The following AHCYL2 variants were observed in gnomAD, a reference collection of about 807,000 sequenced individuals.
The protein encoded by AHCYL2 is S-adenosylhomocysteine hydrolase-like protein 2.
AHCYL2 carries 28 observed loss-of-function variants against 81.4 expected under a neutral mutation model. The ratio of observed to expected loss-of-function variants is 0.34; its 90% CI spans 0.25 to 0.47. The LOEUF is 0.47. Among genes scored for constraint, AHCYL2 ranks in the 20% least tolerant of loss-of-function variants. The pLI, the probability that AHCYL2 is intolerant of heterozygous loss-of-function variation, is 1.00. For missense variants in AHCYL2, 551 were observed against 785.1 expected, an observed-to-expected ratio of 0.70 and a Z score of 3.56; for synonymous variants, 272 against 290.2, an observed-to-expected ratio of 0.94 and a Z score of 0.64.
chr7:129,410,518 T>C, intron 11 of AHCYL2: 1 of 877,708 alleles, frequency 1.1e-6, no homozygotes, highest in South Asian at 1.7e-5. Context: ...GGTACAGTCA[T>C]AATCTCTTTT....
Position 129,285,250 on chromosome 7 carries a change from T to TTC in AHCYL2, c.363+59813_363+59814dup, listed in dbSNP as rs1439764015. Among the ~76,000 whole-genome samples, 5 of 152,232 alleles carry TTC rather than the reference T, an allele frequency of 3.3e-5. No individual in the cohort carries two copies. In the East Asian group the frequency reaches 9.6e-4, roughly 29 times the overall value. On this transcript the variant is annotated intron_variant, in intron 1 of 16. Transcript: ENST00000325006. Reference sequence around the variant, plus strand: ...CAGCTATGGTTAGGGCTGCATTCTTTTCTTTCTCTCCCATCTGAGGCCTCC... The same window carrying TTC: ...CAGCTATGGTTAGGGCTGCATTCTTTTCTCTTTCTCTCCCATCTGAGGCCTCC...
chr7:129,305,261 A>G (rs1022454458), intron 1 of AHCYL2, among the ~76,000 whole-genome samples: 1 of 152,178 alleles, frequency 6.6e-6, no homozygotes, highest in African/African-American at 2.4e-5. Flanking sequence ...AGAGATTGAG[A>G]CCATCTTGGT....
In AHCYL2 at chr7:129,365,628, G is replaced by GTATATATATATATATATATATATA. The variant is rs10526470; in HGVS notation, c.364-13993_364-13992insATATATATATATATATATATATAT. 9.5e-3 allele frequency among the ~76,000 whole-genome samples: 1,182 copies of GTATATATATATATATATATATATA among 123,956 alleles called. 44 individuals carry two copies. Among genetic ancestry groups the GTATATATATATATATATATATATA allele is most frequent in the African/African-American group, 0.016 (468 of 29,858 alleles). The allele number at this position is 123,956 out of a possible 152,430, so 81.3% of individuals were successfully genotyped here. A position where few individuals can be genotyped will look rare whatever the true frequency, so the allele number is the denominator to read the frequency against. ...TAATACAGTTTACCTGGAGGATAGA[G>GTATATATATATATATATATATATA]TATATATATATATATATGGGTATGA... is the stretch of plus-strand genomic sequence containing the variant. On this transcript the variant is annotated intron_variant, in intron 1 of 16. Transcript: ENST00000325006.
At chr7:129,328,238 C>T (rs1798296368) in intron 1 of AHCYL2, among the ~76,000 whole-genome samples, 2 of 152,170 alleles carry the variant, frequency 1.3e-5, no homozygotes, top group South Asian at 4.1e-4. Flanking sequence ...AGTGCAGTGG[C>T]ACAATCTTCG....
chr7:129,419,720 A>T lies in AHCYL2; in HGVS notation c.1462-3120A>T, dbSNP rs983986240. On this transcript the variant is annotated intron_variant, in intron 12 of 16. Transcript: ENST00000325006. This position sits in a 1 kb window ranked among gnomAD's most constrained non-coding sequence, Gnocchi z 4.7. Reference sequence around the variant, plus strand: ...TTGTGCTTTACAGGACTAGAACTACAGTTGTTCTCCCTGAAAAAAAAAAAA... The same window carrying T: ...TTGTGCTTTACAGGACTAGAACTACTGTTGTTCTCCCTGAAAAAAAAAAAA... Among the ~76,000 whole-genome samples, 1 of 151,288 alleles carries T rather than the reference A, an allele frequency of 6.6e-6. No individual in the cohort carries two copies. The highest frequency in any genetic ancestry group is 1.5e-5 in the Non-Finnish European group (1 of 67,882).
At chr7:129,277,584 C>T (rs929963830) in intron 1 of AHCYL2, among the ~76,000 whole-genome samples, 1 of 151,988 alleles carries the variant, frequency 6.6e-6, no homozygotes, top group African/African-American at 2.4e-5. Flanking sequence ...CTGGCCTCTC[C>T]TGTCTCTACC....
At chr7:129,227,399 T>C (rs1046322784) in intron 1 of AHCYL2, among the ~76,000 whole-genome samples, 5 of 148,284 alleles carry the variant, frequency 3.4e-5, no homozygotes, top group Admixed American at 2.0e-4. Flanking sequence ...GGCTGGTGGA[T>C]TGCTCGAGTC....
chr7:129,261,627 C>T (rs1329934600), intron 1 of AHCYL2, among the ~76,000 whole-genome samples: 1 of 152,198 alleles, frequency 6.6e-6, no homozygotes, highest in African/African-American at 2.4e-5. Flanking sequence ...CCCTTCCCTA[C>T]CCCACCGTAG....
intron 1 of AHCYL2, among the ~76,000 whole-genome samples, chr7:129,317,766 T>G (rs1797875999): frequency 6.6e-6 from 1 of 152,194 alleles, no homozygotes; most frequent in African/African-American, 2.4e-5. Flanking sequence ...GTTACTACAC[T>G]TCCCTAGCAA....
intron 1 of AHCYL2, among the ~76,000 whole-genome samples, chr7:129,285,726 G>T (rs1286673604): frequency 1.5e-5 from 2 of 130,264 alleles, no homozygotes; most frequent in African/African-American, 5.9e-5. Context: ...TTGAGATAGG[G>T]TCTGGCTCTG....
At chr7:129,380,238 CTTG>C (rs1310661365) in intron 2 of AHCYL2, among the ~76,000 whole-genome samples, 2 of 152,294 alleles carry the variant, frequency 1.3e-5, no homozygotes, top group East Asian at 3.9e-4. Flanking sequence ...CATTGGACTT[CTTG>C]TTATTCCTCC....
chr7:129,404,762 G>A (rs1166633200), intron 7 of AHCYL2, among the ~76,000 whole-genome samples: 1 of 152,158 alleles, frequency 6.6e-6, no homozygotes, highest in African/African-American at 2.4e-5. Flanking sequence ...GACCAGTGCA[G>A]ATTTAGTGAA....
rs749947842 is a variant in AHCYL2 at position 129,413,706 on chromosome 7, A to T, written c.1461+18A>T. The T allele has an allele frequency of 6.2e-7, 1 of 1,604,382 alleles. No homozygotes were observed. The highest frequency in any genetic ancestry group is 2.2e-5 in the East Asian group (1 of 44,836). Reference sequence around the variant, plus strand: ...TTGACGTGGTAAGATCAAGTAGCTCATTATTGGGGGCTTTTTTCTCTCCTT... The same window carrying T: ...TTGACGTGGTAAGATCAAGTAGCTCTTTATTGGGGGCTTTTTTCTCTCCTT... On this transcript the variant is annotated intron_variant, in intron 12 of 16. Coordinates refer to ENST00000325006, the MANE Select transcript of AHCYL2 (RefSeq NM_015328.4).
intron 1 of AHCYL2, among the ~76,000 whole-genome samples, chr7:129,369,140 A>G (rs576188517): frequency 6.6e-6 from 1 of 152,262 alleles, no homozygotes; most frequent in Non-Finnish European, 1.5e-5. Context: ...CAGTAGTTTT[A>G]CTAAAATGAT....
intron 1 of AHCYL2, among the ~76,000 whole-genome samples, chr7:129,295,606 C>G (rs568608186): frequency 5.1e-4 from 78 of 152,174 alleles, no homozygotes; most frequent in Non-Finnish European, 7.6e-4. Flanking sequence ...AAAAATAAAA[C>G]TAAAGGTCAA....
intron 1 of AHCYL2, among the ~76,000 whole-genome samples, chr7:129,325,399 C>G (rs1798185500): frequency 1.3e-5 from 2 of 152,126 alleles, no homozygotes; most frequent in Non-Finnish European, 1.5e-5. Context: ...GTTAACCATA[C>G]TTTTTTTCAT....
chr7:129,250,491 T>G (rs957053153), intron 1 of AHCYL2, among the ~76,000 whole-genome samples: 2 of 152,262 alleles, frequency 1.3e-5, no homozygotes, highest in African/African-American at 4.8e-5. Flanking sequence ...ATGACCATTT[T>G]ACTTCTTCTT....
chr7:129,244,100 G>C (rs988799518), intron 1 of AHCYL2, among the ~76,000 whole-genome samples: 1 of 151,588 alleles, frequency 6.6e-6, no homozygotes, highest in Non-Finnish European at 1.5e-5. Context: ...CTGGACTCAA[G>C]TGATTCTTCA....
intron 2 of AHCYL2, among the ~76,000 whole-genome samples, chr7:129,380,342 T>G (rs924840522): frequency 3.9e-5 from 6 of 152,234 alleles, no homozygotes; most frequent in Non-Finnish European, 4.4e-5. Flanking sequence ...GTAGGACCCC[T>G]TGAAGGCATC....
Sources: gnomAD v4.1 joint callset for allele counts (sites outside exome capture counted in the v4.1 genomes callset) on GRCh38, gnomAD v4.1.1 for gene constraint, Gnocchi (gnomAD v3.1) non-coding constraint, MANE v1.5 for transcripts, NCBI Gene and HGNC (gene_info 2026-07-23, HGNC 2026-07-21) for gene names.